The following DOCK10 variants were observed in gnomAD, a reference collection of about 807,000 sequenced individuals.
DOCK10 encodes the protein dedicator of cytokinesis protein 10.
In DOCK10, 145 loss-of-function variants were observed where a neutral mutation model predicts 280.1. That is an observed-to-expected ratio of 0.52 (90% confidence interval 0.45 to 0.59). The LOEUF is 0.59. Among genes scored for constraint, DOCK10 ranks in the 20% least tolerant of loss-of-function variants. The pLI is 0.00. For synonymous variants in DOCK10, 915 were observed against 942.2 expected, an observed-to-expected ratio of 0.97 and a Z score of 0.53; for missense variants, 2,368 against 2,651.7, an observed-to-expected ratio of 0.89 and a Z score of 2.35.
intron 4 of DOCK10, among the ~76,000 whole-genome samples, chr2:224,895,196 T>C (rs1699907912): frequency 6.6e-6 from 1 of 152,186 alleles, no homozygotes; most frequent in African/African-American, 2.4e-5. Context: ...TCTTTCAAAT[T>C]CCGCATTCGG....
chr2:224,880,120 A>G (rs539669249), intron 7 of DOCK10, among the ~76,000 whole-genome samples: 6 of 152,376 alleles, frequency 3.9e-5, no homozygotes, highest in Non-Finnish European at 7.3e-5. Context: ...AACTGCATTC[A>G]GTACTTCAAA....
In DOCK10 at chr2:224,805,208, T is replaced by C. The variant is rs767777312; in HGVS notation, c.4049A>G (p.Tyr1350Cys). Residue 1350 changes from tyrosine (Y) to cysteine (C), a missense_variant and splice_region_variant, in exon 36 of 56, where the codon TAC becomes TGC. Tyr to Cys is a radical substitution (Grantham distance 194). Transcript: ENST00000258390. The surrounding 1 kb of genome is among the most constrained non-coding windows in gnomAD (Gnocchi z 4.3). ...CFLHIMKTISYETLIAYWQRA... is the reference protein window; with the variant it reads ...CFLHIMKTISCETLIAYWQRA... ...AAAAATTAAAGAATTCTCTTTACCG[T>C]ACGAAATCGTTTTCATAATGTGAAG... is the stretch of plus-strand genomic sequence containing the variant. The C allele has an allele frequency of 1.2e-6, 2 of 1,609,452 alleles. No individual in the cohort carries two copies. Among genetic ancestry groups the C allele is most frequent in the South Asian group, 2.2e-5 (2 of 90,012 alleles).
chr2:224,869,837 CA>C (rs1574967106), intron 11 of DOCK10, among the ~76,000 whole-genome samples: 1 of 152,278 alleles, frequency 6.6e-6, no homozygotes, highest in East Asian at 1.9e-4. Context: ...TGGAAGGAGT[CA>C]TATGCCCCTG....
At chr2:224,989,345 G>C (rs1169820519) in intron 1 of DOCK10, among the ~76,000 whole-genome samples, 2 of 152,220 alleles carry the variant, frequency 1.3e-5, no homozygotes, top group African/African-American at 4.8e-5. Context: ...GCTGATTTAA[G>C]CTGTAGCACT....
chr2:224,841,690 A>T (rs747948640), intron 23 of DOCK10, 114 bp downstream of exon 23: 8 of 629,698 alleles, frequency 1.3e-5, no homozygotes, highest in African/African-American at 7.2e-5. Flanking sequence ...ATAAGGTATT[A>T]AAAAATCTTG....
chr2:224,924,616 T>G (rs35721981), intron 2 of DOCK10, among the ~76,000 whole-genome samples: 44,545 of 152,132 alleles, frequency 0.29, 7,139 homozygotes, highest in Middle Eastern at 0.36. Context: ...GATAGATTAT[T>G]TGGGTTATTC....
intron 2 of DOCK10, among the ~76,000 whole-genome samples, chr2:224,917,882 T>G (rs62186355): frequency 0.23 from 35,131 of 152,064 alleles, 4,544 homozygotes; most frequent in Non-Finnish European, 0.28. Context: ...TTACAGGGAT[T>G]CTCAGGTGAT....
At chr2:225,016,962 A>G (rs1223976071) in intron 1 of DOCK10, among the ~76,000 whole-genome samples, 1 of 151,990 alleles carries the variant, frequency 6.6e-6, no homozygotes, top group Non-Finnish European at 1.5e-5. Flanking sequence ...ACCTCAGGTG[A>G]TCCACCCGCT....
intron 4 of DOCK10, among the ~76,000 whole-genome samples, chr2:224,888,818 A>G (rs1223920717): frequency 2.2e-5 from 3 of 138,656 alleles, no homozygotes; most frequent in African/African-American, 3.2e-5. Flanking sequence ...ATATGTGTGT[A>G]TGTATGTGTG....
intron 24 of DOCK10, 110 bp from the exon 25 acceptor site, chr2:224,837,941 A>C: frequency 1.2e-6 from 1 of 808,868 alleles, no homozygotes; most frequent in Admixed American, 1.9e-5. Context: ...TACTGGGTGA[A>C]TGAATGAACC....
At position 224,806,153 on chromosome 2, in the gene DOCK10, A is replaced by G; in HGVS notation, c.3787T>C (p.Ser1263Pro). 6.2e-7 allele frequency: 1 copy of G among 1,606,916 alleles called. No individual in the cohort carries two copies. Among genetic ancestry groups the G allele is most frequent in the Non-Finnish European group, 8.5e-7 (1 of 1,175,426 alleles). ...KHANSVDTSF[S>P]KDVLNSIAAF... ...GCTATGGAATTTAAAACATCTTTAG[A>G]AAATGATGTATCCACAGAGTTTGCA... Residue 1263 changes from serine to proline, a missense_variant, in exon 34 of 56, where the codon TCT (serine) becomes CCT (proline). This residue lies in a region of DOCK10 where 1,159 missense variants were observed against 1,400.8 expected (regional missense o/e 0.83). Coordinates refer to ENST00000258390, the MANE Select transcript of DOCK10 (RefSeq NM_014689.3).
At chr2:224,863,531 C>A (rs1445921301) in intron 13 of DOCK10, among the ~76,000 whole-genome samples, 2 of 152,164 alleles carry the variant, frequency 1.3e-5, no homozygotes, top group African/African-American at 2.4e-5. Flanking sequence ...TGGCTCACTG[C>A]AAGCTCCGCC....
chr2:224,905,689 T>G (rs903188117), intron 3 of DOCK10, among the ~76,000 whole-genome samples: 2 of 152,232 alleles, frequency 1.3e-5, no homozygotes, highest in African/African-American at 4.8e-5. Context: ...AGCCCCCATC[T>G]TGATTCTTCT....
intron 1 of DOCK10, among the ~76,000 whole-genome samples, chr2:225,012,083 C>T (rs1208798039): frequency 6.6e-6 from 1 of 152,080 alleles, no homozygotes; most frequent in Non-Finnish European, 1.5e-5. Flanking sequence ...CTCCAGATTT[C>T]TCAGAATGAG....
intron 7 of DOCK10, among the ~76,000 whole-genome samples, chr2:224,877,837 T>C (rs1484432937): frequency 6.6e-6 from 1 of 152,194 alleles, no homozygotes; most frequent in Non-Finnish European, 1.5e-5. Context: ...CACAAACTAG[T>C]GTTATTTAAG....
At chr2:224,836,693 G>A (rs1013401618) in intron 25 of DOCK10, among the ~76,000 whole-genome samples, 1 of 150,994 alleles carries the variant, frequency 6.6e-6, no homozygotes, top group African/African-American at 2.4e-5. Flanking sequence ...TCTGCCTCCC[G>A]GGTTCACGCC....
intron 50 of DOCK10, among the ~76,000 whole-genome samples, chr2:224,778,769 T>C (rs16866168): frequency 0.13 from 19,505 of 152,178 alleles, 1,487 homozygotes; most frequent in African/African-American, 0.21. Context: ...GCATCCCACA[T>C]AATCTTAGAT....
At chr2:224,916,897 A>G (rs1701360121) in intron 2 of DOCK10, 113 bp from the exon 3 acceptor site, 1 of 754,712 alleles carries the variant, frequency 1.3e-6, no homozygotes, top group East Asian at 2.7e-5. Flanking sequence ...TAAAGTTAAC[A>G]GAAGACAGAG....
chr2:224,845,228 C>A lies in DOCK10; in HGVS notation c.2456G>T (p.Ser819Ile). The A allele has an allele frequency of 2.5e-6, 4 of 1,580,032 alleles. No individual in the cohort carries two copies. The highest frequency in any genetic ancestry group is 3.4e-6 in the Non-Finnish European group (4 of 1,161,240). ...CTTTCCACTTGCAGAATCTTGAAAG[C>A]TTAAATAATTAGGAGGCAGACTTGT... ...IATSLPPNYL[S>I]FQDSASGKHG... Residue 819 changes from serine to isoleucine, a missense_variant, in exon 21 of 56, where the codon AGC (serine) becomes ATC (isoleucine). Coordinates refer to ENST00000258390, the MANE Select transcript of DOCK10 (RefSeq NM_014689.3).
Sources: gnomAD v4.1 joint callset for allele counts (sites outside exome capture counted in the v4.1 genomes callset) on GRCh38, gnomAD v4.1.1 for gene constraint, gnomAD v4.1.1 regional missense constraint, Gnocchi (gnomAD v3.1) non-coding constraint, MANE v1.5 for transcripts, NCBI Gene and HGNC (gene_info 2026-07-23, HGNC 2026-07-21) for gene names.